Variants in ATXN2 observed in about 807,000 individuals in gnomAD.
ATXN2 encodes the protein ataxin 2.
In ATXN2, 37 loss-of-function variants were observed where a neutral mutation model predicts 138.6. The ratio of observed to expected loss-of-function variants is 0.27; its 90% CI spans 0.21 to 0.35. The LOEUF is 0.35. ATXN2 is among the 10% of genes least tolerant of loss of function. The pLI, the probability that ATXN2 is intolerant of heterozygous loss-of-function variation, is 1.00. For missense variants in ATXN2, 1,216 were observed against 1,480.3 expected (o/e 0.82, Z 2.93); for synonymous variants, 549 against 543.7 (o/e 1.01, Z -0.13).
At chr12:111,507,319 C>G (rs1879202782) in intron 14 of ATXN2, among the ~76,000 whole-genome samples, 1 of 151,738 alleles carries the variant, frequency 6.6e-6, no homozygotes, top group African/African-American at 2.4e-5. Flanking sequence ...GGCCGCGACC[C>G]CGTCTGGGAG....
intron 18 of ATXN2, among the ~76,000 whole-genome samples, chr12:111,483,918 G>A (rs1877451873): frequency 2.0e-5 from 3 of 151,894 alleles, no homozygotes; most frequent in Admixed American, 2.0e-4. Flanking sequence ...AAGTAGCTAG[G>A]ACTACAGGAG....
At chr12:111,462,975 TATAC>T (rs1212691315) in intron 21 of ATXN2, among the ~76,000 whole-genome samples, 6 of 145,794 alleles carry the variant, frequency 4.1e-5, no homozygotes, top group East Asian at 5.8e-4. Context: ...TATATATATA[TATAC>T]ACACACACAC....
chr12:111,585,370 G>T (rs550620255), intron 1 of ATXN2, among the ~76,000 whole-genome samples: 23 of 150,526 alleles, frequency 1.5e-4, no homozygotes, highest in Non-Finnish European at 3.1e-4. Context: ...AAAATTATCC[G>T]GGTGTGGTGG....
chr12:111,535,720 G>A (rs1488090377), intron 5 of ATXN2, among the ~76,000 whole-genome samples: 1 of 151,976 alleles, frequency 6.6e-6, no homozygotes, highest in East Asian at 1.9e-4. Context: ...TGGGAAATAG[G>A]CCGGGCGCGG....
chr12:111,470,769 T>C (rs1876357690), intron 18 of ATXN2, 27 bp from the exon 19 acceptor site: 2 of 1,610,836 alleles, frequency 1.2e-6, no homozygotes, highest in African/African-American at 1.3e-5. Context: ...AGACTGCCTA[T>C]TAAACAGTAT....
chr12:111,551,204 G>A (rs1882098786), intron 5 of ATXN2, among the ~76,000 whole-genome samples: 1 of 151,836 alleles, frequency 6.6e-6, no homozygotes, highest in Admixed American at 6.6e-5. Context: ...GGCTGAGGCA[G>A]GAGAATCGCT....
intron 14 of ATXN2, among the ~76,000 whole-genome samples, chr12:111,492,199 G>T (rs75922992): frequency 1.3e-5 from 2 of 152,148 alleles, no homozygotes; most frequent in African/African-American, 4.8e-5. Flanking sequence ...TTGGAGAAAT[G>T]TAAGAGGACA....
chr12:111,558,633 A>G (rs1169379443), intron 1 of ATXN2, among the ~76,000 whole-genome samples: 1 of 152,134 alleles, frequency 6.6e-6, no homozygotes, highest in African/African-American at 2.4e-5. Context: ...CCCTGTTTCT[A>G]CAAAAAATAA....
rs182283833 is a variant in ATXN2 at position 111,453,404 on chromosome 12, A to G, written c.3439+273T>C. 1.7e-6 allele frequency: 2 copies of G among 1,196,934 alleles called. No individual in the cohort carries two copies. Among genetic ancestry groups the G allele is most frequent in the Non-Finnish European group, 1.0e-6 (1 of 964,426 alleles). 74.1% of individuals were successfully genotyped at this position (1,196,934 alleles called of 1,614,324 possible). ...CTGTCATAACAAGGAAGGCCAACTG[A>G]GTCCTAGGCATGCATCAGGCTGCTG... On this transcript the variant is annotated intron_variant, in intron 24 of 24. Coordinates refer to ENST00000673436, the MANE Select transcript of ATXN2 (RefSeq NM_001372574.1). This position sits in a 1 kb window ranked among gnomAD's most constrained non-coding sequence, Gnocchi z 5.4.
At chr12:111,542,708 C>A (rs1388268880) in intron 5 of ATXN2, among the ~76,000 whole-genome samples, 2 of 151,974 alleles carry the variant, frequency 1.3e-5, no homozygotes, top group Admixed American at 1.3e-4. Context: ...CTCATCCTCC[C>A]GCCTCAGCCT....
At chr12:111,582,989 GTTTGTT>G (rs1162788738) in intron 1 of ATXN2, among the ~76,000 whole-genome samples, 19 of 69,050 alleles carry the variant, frequency 2.8e-4, no homozygotes, top group Non-Finnish European at 2.2e-4. Context: ...TTTTTTTTTT[GTTTGTT>G]TTTTTTTTTT....
intron 1 of ATXN2, among the ~76,000 whole-genome samples, chr12:111,588,950 G>T (rs1884487933): frequency 1.7e-5 from 2 of 116,452 alleles, no homozygotes; most frequent in African/African-American, 6.2e-5. Flanking sequence ...AGCTGAGATT[G>T]TGTCACCGCA....
At position 111,552,224 on chromosome 12, in the gene ATXN2, C is replaced by G. The variant is rs1297154073; in HGVS notation, c.571+56G>C. On this transcript the variant is annotated intron_variant, in intron 5 of 24. Transcript: ENST00000673436. The surrounding 1 kb of genome is among the most constrained non-coding windows in gnomAD (Gnocchi z 4.1). ...AAGTTTGTAAGATCACTGTGAAAAT[C>G]TTTGCTTGAATAAATCTAATAAACC... 18 of 1,499,218 alleles carry G rather than the reference C, an allele frequency of 1.2e-5. No homozygotes were observed. Among genetic ancestry groups the G allele is most frequent in the Non-Finnish European group, 1.4e-5 (16 of 1,123,108 alleles). 92.9% of individuals were successfully genotyped at this position (1,499,218 alleles called of 1,614,324 possible).
intron 5 of ATXN2, among the ~76,000 whole-genome samples, chr12:111,526,340 G>C (rs1346347632): frequency 1.3e-5 from 2 of 150,876 alleles, no homozygotes; most frequent in South Asian, 4.2e-4. Context: ...TGGCGACAGA[G>C]TGAGACCCTG....
At chr12:111,452,862 T>C (rs760454063) in intron 24 of ATXN2, 22 bp from the exon 25 acceptor site, 18 of 1,605,532 alleles carry the variant, frequency 1.1e-5, no homozygotes, top group East Asian at 2.2e-5. Context: ...AAAGCGAACA[T>C]TGAAACAGAA....
At chr12:111,479,315 G>A (rs1877043643) in intron 18 of ATXN2, among the ~76,000 whole-genome samples, 1 of 150,344 alleles carries the variant, frequency 6.7e-6, no homozygotes, top group South Asian at 2.1e-4. Context: ...CACTTTGGGA[G>A]GCCAAGGCAG....
chr12:111,466,223 G>A (rs1396917501), intron 20 of ATXN2, among the ~76,000 whole-genome samples: 1 of 150,560 alleles, frequency 6.6e-6, no homozygotes, highest in Admixed American at 6.6e-5. Flanking sequence ...AAGAGGCTGG[G>A]CACAGTGGCT....
intron 9 of ATXN2, 80 bp downstream of exon 9, chr12:111,518,169 A>T: frequency 7.9e-7 from 1 of 1,258,940 alleles, no homozygotes; most frequent in Non-Finnish European, 1.1e-6. Flanking sequence ...CATATCAGTT[A>T]TGTAAACTAT....
chr12:111,509,489 TA>T (rs1879374384), intron 14 of ATXN2, 59 bp downstream of exon 14: 4 of 960,778 alleles, frequency 4.2e-6, no homozygotes, highest in East Asian at 5.4e-5. Context: ...TATAAATAGA[TA>T]AATCTTTAGT....
Sources: allele counts gnomAD v4.1 joint callset (sites outside exome capture counted in the v4.1 genomes callset), GRCh38; gene constraint gnomAD v4.1.1; non-coding constraint Gnocchi (gnomAD v3.1); transcripts MANE v1.5; gene names NCBI Gene and HGNC (gene_info 2026-07-23, HGNC 2026-07-21).